Variants in GJA5 observed in about 807,000 individuals in gnomAD.
GJA5 encodes the protein gap junction protein alpha 5, also known as gap junction alpha-5 protein.
Under a neutral mutation model 7.9 loss-of-function variants are expected in GJA5, and 3 were observed. The ratio of observed to expected loss-of-function variants is 0.38; its 90% CI spans 0.17 to 0.99. The LOEUF (loss-of-function observed/expected upper bound fraction) is 0.99, where lower values mean the gene tolerates loss of function less well. Ranked by LOEUF, GJA5 falls within the 50% of genes least tolerant of loss-of-function variation. The pLI is 0.38. For synonymous variants in GJA5, 193 were observed against 181.0 expected (o/e 1.07, Z -0.53); for missense variants, 390 against 457.9 (o/e 0.85, Z 1.35).
chr1:147,759,125 G>T lies in GJA5; in HGVS notation c.114C>A (p.Gly38=). ...VLFIFRMLVL[G]TAAESSWGDE... is the part of the protein sequence containing the mutation. ...CCCCCCAGGAAGACTCAGCAGCTGT[G>T]CCCAGCACGAGCATACGGAATATGA... The change falls in exon 2 of 2, where the codon GGC becomes GGA. Residue 38 remains glycine (G), a synonymous_variant. Coordinates refer to ENST00000579774, the MANE Select transcript of GJA5 (RefSeq NM_181703.4). 1 of 1,613,004 alleles carries T rather than the reference G, an allele frequency of 6.2e-7. No individual in the cohort carries two copies. The highest frequency in any genetic ancestry group is 1.1e-5 in the South Asian group (1 of 90,976).
chr1:147,758,922 C>G lies in GJA5; in HGVS notation c.317G>C (p.Arg106Pro). 6.2e-7 allele frequency: 1 copy of G among 1,614,228 alleles called. No homozygotes were observed. The highest frequency in any genetic ancestry group is 8.5e-7 in the Non-Finnish European group (1 of 1,180,044). The change falls in exon 2 of 2, where the codon CGC (arginine) becomes CCC (proline). Residue 106 changes from arginine to proline, a missense_variant. Transcript: ENST00000579774. ...GGCCCTCTCGGCCTCCCGTAGCTTG[C>G]GCTTCTCCTGCATGCGCACAGTGTG... Reference protein sequence around the residue: ...AMHTVRMQEKRKLREAERAKE... With the variant: ...AMHTVRMQEKPKLREAERAKE...
In GJA5 at chr1:147,757,512, TAC is replaced by T; in HGVS notation, c.*648_*649del. 4.8e-5 allele frequency: 2 copies of T among 41,980 alleles called. No homozygotes were observed. The highest frequency in any genetic ancestry group is 2.7e-4 in the Admixed American group (1 of 3,684). The allele number at this position is 41,980 out of a possible 1,614,324, so 2.6% of individuals were successfully genotyped here. On this transcript the variant is annotated 3_prime_UTR_variant, in exon 2 of 2. Coordinates refer to ENST00000579774, the MANE Select transcript of GJA5 (RefSeq NM_181703.4). The stretch of plus-strand genomic sequence containing the variant: ...ACCAAGGTGGGGCATTTGCCAGAGG[TAC>T]ATACCAGGGCATTTGCCAGAGGTAC...
chr1:147,758,670 C>G lies in GJA5; in HGVS notation c.569G>C (p.Cys190Ser). The G allele has an allele frequency of 6.2e-7, 1 of 1,614,180 alleles. No individual in the cohort carries two copies. Among genetic ancestry groups the G allele is most frequent in the Non-Finnish European group, 8.5e-7 (1 of 1,180,020 alleles). The change falls in exon 2 of 2, where the codon TGT (cysteine) becomes TCT (serine). Residue 190 changes from cysteine (C) to serine (S), a missense_variant. Cys to Ser is a moderately radical substitution (Grantham distance 112). This residue lies in a region of GJA5 where 354 missense variants were observed against 370.9 expected (regional missense o/e 0.95). Transcript: ENST00000579774. ...TACGTAACAGTTGACCGGGTGGGGA[C>G]AGGGACTCCTGCGGCAGACATGCAG... ...TTLHVCRRSP[C>S]PHPVNCYVSR... is the part of the protein sequence containing the mutation.
Position 147,758,702 on chromosome 1 carries a change from C to G in GJA5, c.537G>C (p.Leu179=), listed in dbSNP as rs2148959118. 1.9e-6 allele frequency: 3 copies of G among 1,614,152 alleles called. No individual in the cohort carries two copies. Among genetic ancestry groups the G allele is most frequent in the Non-Finnish European group, 2.5e-6 (3 of 1,180,032 alleles). Residue 179 remains leucine, a synonymous_variant, in exon 2 of 2, where the codon CTG becomes CTC. Transcript: ENST00000579774. ...TCCTGCGGCAGACATGCAGGGTGGT[C>G]AGGAAGATTCCGTAGATGAAGTACT... ...VGQYFIYGIF[L]TTLHVCRRSP...
chr1:147,772,675 G>T (rs116612189), intron 1 of GJA5, among the ~76,000 whole-genome samples: 1 of 151,584 alleles, frequency 6.6e-6, no homozygotes, highest in Non-Finnish European at 1.5e-5. Flanking sequence ...TCTTTCCTCC[G>T]GCTGCAAGTG....
upstream of GJA5, among the ~76,000 whole-genome samples, chr1:147,760,875 C>T (rs945431005): frequency 6.7e-5 from 10 of 150,364 alleles, no homozygotes; most frequent in East Asian, 9.7e-4. Context: ...ACTCACAGTG[C>T]TCCCATCCCC....
intron 1 of GJA5, among the ~76,000 whole-genome samples, chr1:147,771,815 G>T (rs1181098804): frequency 6.6e-6 from 1 of 152,182 alleles, no homozygotes; most frequent in Non-Finnish European, 1.5e-5. Flanking sequence ...GAAAAGGCTT[G>T]GAGGGACAGC....
intron 1 of GJA5, among the ~76,000 whole-genome samples, chr1:147,759,709 T>C (rs781952929): frequency 2.0e-5 from 3 of 152,194 alleles, no homozygotes; most frequent in Non-Finnish European, 2.9e-5. Flanking sequence ...GGTCTGCAAA[T>C]GTGACTCTGG....
upstream of GJA5, among the ~76,000 whole-genome samples, chr1:147,762,414 T>C (rs1279236844): frequency 6.6e-6 from 1 of 152,218 alleles, no homozygotes; most frequent in Non-Finnish European, 1.5e-5. Flanking sequence ...AGGCAAAGAA[T>C]GTGACCCTTT....
In GJA5 at chr1:147,756,802, C is replaced by T. The variant is rs939686131; in HGVS notation, c.*1360G>A. The T allele has an allele frequency of 2.6e-5, 4 of 152,242 alleles. No homozygotes were observed. Among genetic ancestry groups the T allele is most frequent in the African/African-American group, 9.7e-5 (4 of 41,420 alleles). The allele number at this position is 152,242 out of a possible 1,614,324, so 9.4% of individuals were successfully genotyped here. ...TTACCTTCATCCAAAACAACAGCAACCCATTATGGATCCAGTGAATACAGA... is the reference window on the plus strand; with the variant it reads ...TTACCTTCATCCAAAACAACAGCAATCCATTATGGATCCAGTGAATACAGA... On this transcript the variant is annotated 3_prime_UTR_variant, in exon 2 of 2. Transcript: ENST00000579774.
In GJA5 at chr1:147,758,569, C is replaced by T; in HGVS notation, c.670G>A (p.Ala224Thr). Residue 224 changes from alanine to threonine, a missense_variant, in exon 2 of 2, where the codon GCT becomes ACT. Physicochemically the swap from Ala to Thr is moderately conservative, Grantham distance 58 (BLOSUM62 0). Around this residue, in one of 2 missense-constraint regions of GJA5, gnomAD observed 354 missense variants for 370.9 expected, o/e 0.95. Coordinates refer to ENST00000579774, the MANE Select transcript of GJA5 (RefSeq NM_181703.4). The part of the protein sequence containing the change: ...VAALSLLLSL[A>T]ELYHLGWKKI... The stretch of plus-strand genomic sequence containing the variant: ...TTCCAGCCCAGGTGGTAGAGTTCAG[C>T]CAGGCTAAGGAGGAGGGACAGTGCA... 6.2e-7 allele frequency: 1 copy of T among 1,613,486 alleles called. No individual in the cohort carries two copies. Among genetic ancestry groups the T allele is most frequent in the South Asian group, 1.1e-5 (1 of 91,068 alleles).
At chr1:147,770,164 T>C (rs953969294) in intron 1 of GJA5, among the ~76,000 whole-genome samples, 1 of 152,194 alleles carries the variant, frequency 6.6e-6, no homozygotes, top group African/African-American at 2.4e-5. Flanking sequence ...GGAAATCCCC[T>C]GTGAAAATGC....
intron 1 of GJA5, among the ~76,000 whole-genome samples, chr1:147,759,924 G>A (rs587661632): frequency 6.6e-6 from 1 of 152,322 alleles, no homozygotes; most frequent in South Asian, 2.1e-4. Context: ...GGAGGAAAGA[G>A]TGAGGATGGG....
Position 147,759,250 on chromosome 1 carries a change from CAG to C in GJA5, c.-14_-13del, listed in dbSNP as rs782658904. The C allele has an allele frequency of 7.0e-6, 11 of 1,581,002 alleles. No homozygotes were observed. In the South Asian group the frequency reaches 1.2e-4, roughly 17 times the overall value. ...CTCCAATCGCCCATCTTGGCACAGC[CAG>C]GGAACAGATGCCAAAACTTCTGCAA... On this transcript the variant is annotated 5_prime_UTR_variant, in exon 2 of 2. Coordinates refer to ENST00000579774, the MANE Select transcript of GJA5 (RefSeq NM_181703.4).
At chr1:147,763,817 T>TA (rs1247529737), upstream of GJA5, among the ~76,000 whole-genome samples, 2 of 150,380 alleles carry the variant, frequency 1.3e-5, no homozygotes, top group African/African-American at 4.9e-5. Flanking sequence ...GTGCTTCTTT[T>TA]TTTCTTTTTT....
Position 147,757,497 on chromosome 1 carries a change from G to A in GJA5, c.*665C>T. 2.4e-5 allele frequency: 1 copy of A among 41,468 alleles called. No individual in the cohort carries two copies. Among genetic ancestry groups the A allele is most frequent in the Admixed American group, 2.8e-4 (1 of 3,598 alleles). The allele number at this position is 41,468 out of a possible 1,614,324, so 2.6% of individuals were successfully genotyped here. On this transcript the variant is annotated 3_prime_UTR_variant, in exon 2 of 2. Transcript: ENST00000579774. The stretch of plus-strand genomic sequence containing the variant: ...AAAGGTTGCAACATCACCAAGGTGG[G>A]GCATTTGCCAGAGGTACATACCAGG...
chr1:147,757,458 A>G lies in GJA5; in HGVS notation c.*704T>C, dbSNP rs1410380534. On this transcript the variant is annotated 3_prime_UTR_variant, in exon 2 of 2. Transcript: ENST00000579774. ...TGACACCTGCACAGGCTAGGTGTAC[A>G]CCCTAGCAGAAGGAAAGGTTGCAAC... 6.4e-6 allele frequency: 1 copy of G among 155,784 alleles called. No homozygotes were observed. The highest frequency in any genetic ancestry group is 1.4e-5 in the Non-Finnish European group (1 of 70,244). 9.7% of individuals were successfully genotyped at this position (155,784 alleles called of 1,614,324 possible).
At chr1:147,765,262 C>T (rs1664158101), upstream of GJA5, among the ~76,000 whole-genome samples, 1 of 152,110 alleles carries the variant, frequency 6.6e-6, no homozygotes, top group South Asian at 2.1e-4. Context: ...ATCCTCATAA[C>T]CACTCTGTGG....
At chr1:147,770,146 A>G (rs587611011) in intron 1 of GJA5, among the ~76,000 whole-genome samples, 2 of 152,310 alleles carry the variant, frequency 1.3e-5, no homozygotes, top group African/African-American at 2.4e-5. Flanking sequence ...AGGTTGGAGT[A>G]AGATTCGGGA....
Sources: gnomAD v4.1 joint callset for allele counts (sites outside exome capture counted in the v4.1 genomes callset) on GRCh38, gnomAD v4.1.1 for gene constraint, gnomAD v4.1.1 regional missense constraint, MANE v1.5 for transcripts, NCBI Gene and HGNC (gene_info 2026-07-23, HGNC 2026-07-21) for gene names.